The following HDAC9 variants were observed in gnomAD, a reference collection of about 807,000 sequenced individuals.
HDAC9 encodes the protein MEF-2 interacting transcription repressor (MITR) protein.
In HDAC9, 41 loss-of-function variants were observed where a neutral mutation model predicts 139.4. The observed-to-expected ratio is 0.29, with a 90% confidence interval of 0.23 to 0.38. HDAC9 has a LOEUF of 0.38. Among genes scored for constraint, HDAC9 ranks in the 10% least tolerant of loss-of-function variants. The pLI, the probability that HDAC9 is intolerant of heterozygous loss-of-function variation, is 1.00. For missense variants in HDAC9, 1,147 were observed against 1,297.0 expected (o/e 0.88, Z 1.78); for synonymous variants, 517 against 476.2 (o/e 1.09, Z -1.12).
At chr7:18,338,454 A>G (rs1781749079) in intron 1 of HDAC9, among the ~76,000 whole-genome samples, 1 of 151,634 alleles carries the variant, frequency 6.6e-6, no homozygotes, top group Non-Finnish European at 1.5e-5. Context: ...ATTTGGCAGT[A>G]TTACTGAGTG....
intron 24 of HDAC9, among the ~76,000 whole-genome samples, chr7:18,969,817 A>C (rs1784133205): frequency 6.6e-6 from 1 of 152,220 alleles, no homozygotes; most frequent in Non-Finnish European, 1.5e-5. Context: ...TTGAAGAGTC[A>C]AAAACAACGA....
chr7:18,973,928 G>C (rs1345945897), intron 24 of HDAC9, among the ~76,000 whole-genome samples: 1 of 152,104 alleles, frequency 6.6e-6, no homozygotes, highest in Admixed American at 6.6e-5. Flanking sequence ...ACATAAGCCT[G>C]ATTCTATACC....
intron 2 of HDAC9, among the ~76,000 whole-genome samples, chr7:18,553,348 C>G (rs1009053703): frequency 6.6e-6 from 1 of 152,108 alleles, no homozygotes; most frequent in African/African-American, 2.4e-5. Context: ...GCTTTTCCCC[C>G]CTCAAGAACA....
intron 2 of HDAC9, among the ~76,000 whole-genome samples, chr7:18,223,385 C>G (rs890248854): frequency 6.6e-6 from 1 of 151,162 alleles, no homozygotes. Flanking sequence ...GTAAAAACCC[C>G]GGTCAATTTT....
In HDAC9 at chr7:18,547,857, T is replaced by TTCCTTCCTTCCTTCCTTCCCTCCC. The variant is rs1563229989; in HGVS notation, c.23-37424_23-37423insTCCTTCCTTCCTTCCTTCCCTCCC. ...CTTCCTTCCTTCCTTCCTTCCTTCC[T>TTCCTTCCTTCCTTCCTTCCCTCCC]ACCCTCCCTCCCTCCCTCCCTCCCT... On this transcript the variant is annotated intron_variant, in intron 2 of 25. Coordinates refer to ENST00000686413, the MANE Select transcript of HDAC9 (RefSeq NM_178425.4). Among the ~76,000 whole-genome samples the TTCCTTCCTTCCTTCCTTCCCTCCC allele has an allele frequency of 2.5e-5, 3 of 118,458 alleles. 1 individual carries two copies. The highest frequency in any genetic ancestry group is 1.2e-4 in the African/African-American group (3 of 25,352). 77.7% of individuals were successfully genotyped at this position (118,458 alleles called of 152,430 possible).
intron 1 of HDAC9, among the ~76,000 whole-genome samples, chr7:18,428,679 G>A (rs1376048124): frequency 6.6e-6 from 1 of 152,210 alleles, no homozygotes; most frequent in Admixed American, 6.5e-5. Context: ...CCTAAACCCA[G>A]CAGCCCCAGT....
intron 2 of HDAC9, among the ~76,000 whole-genome samples, chr7:18,501,858 A>AG: frequency 6.6e-6 from 1 of 152,190 alleles, no homozygotes; most frequent in East Asian, 1.9e-4. Flanking sequence ...TGTAAGTAGT[A>AG]GGTATATTAG....
intron 12 of HDAC9, among the ~76,000 whole-genome samples, chr7:18,716,287 A>AT (rs1268025964): frequency 6.6e-6 from 1 of 152,140 alleles, no homozygotes; most frequent in Non-Finnish European, 1.5e-5. Flanking sequence ...TCTCTTGAAC[A>AT]TTTTTTTCTA....
At chr7:18,735,532 A>G (rs1786801357) in intron 13 of HDAC9, among the ~76,000 whole-genome samples, 1 of 152,194 alleles carries the variant, frequency 6.6e-6, no homozygotes, top group African/African-American at 2.4e-5. Context: ...TTTGTCAAAG[A>G]TCAGATGTTT....
intron 1 of HDAC9, among the ~76,000 whole-genome samples, chr7:18,446,934 A>T (rs1792351722): frequency 6.6e-6 from 1 of 152,210 alleles, no homozygotes; most frequent in Non-Finnish European, 1.5e-5. Context: ...CACTACTATG[A>T]AAAAAAGATT....
intron 2 of HDAC9, among the ~76,000 whole-genome samples, chr7:18,508,532 A>G (rs938354881): frequency 5.3e-5 from 8 of 152,088 alleles, no homozygotes; most frequent in African/African-American, 1.9e-4. Context: ...TATTCATATT[A>G]TTAACTTGAA....
chr7:18,360,457 C>G (rs1241056528), intron 1 of HDAC9, among the ~76,000 whole-genome samples: 1 of 152,108 alleles, frequency 6.6e-6, no homozygotes, highest in African/African-American at 2.4e-5. Flanking sequence ...AATCTTTTCC[C>G]CTACACTTTC....
chr7:18,567,989 G>C (rs1490003758), intron 2 of HDAC9, among the ~76,000 whole-genome samples: 1 of 137,152 alleles, frequency 7.3e-6, no homozygotes, highest in Non-Finnish European at 1.5e-5. Flanking sequence ...AATATACTGG[G>C]GCCTTGTTAG....
At chr7:18,099,813 A>G (rs532700882) in intron 1 of HDAC9, among the ~76,000 whole-genome samples, 4 of 152,326 alleles carry the variant, frequency 2.6e-5, no homozygotes, top group East Asian at 3.9e-4. Flanking sequence ...TTTTTCTTAC[A>G]TATGTTATAA....
chr7:18,394,228 G>A (rs1024851451), intron 1 of HDAC9, among the ~76,000 whole-genome samples: 2 of 152,094 alleles, frequency 1.3e-5, no homozygotes, highest in African/African-American at 4.8e-5. Flanking sequence ...ACACTCAAAG[G>A]TTGGGGCTGT....
At chr7:18,389,440 C>G (rs1395501386) in intron 1 of HDAC9, among the ~76,000 whole-genome samples, 2 of 152,164 alleles carry the variant, frequency 1.3e-5, no homozygotes, top group Non-Finnish European at 2.9e-5. Context: ...CAGTGTTGCT[C>G]AGGATGTCTG....
intron 2 of HDAC9, among the ~76,000 whole-genome samples, chr7:18,281,091 G>C (rs925069124): frequency 2.0e-5 from 3 of 152,156 alleles, no homozygotes; most frequent in African/African-American, 7.2e-5. Context: ...GGAAGACTTA[G>C]TGTAAGATGA....
chr7:18,232,631 C>T (rs1000033275), intron 2 of HDAC9, among the ~76,000 whole-genome samples: 3 of 152,188 alleles, frequency 2.0e-5, no homozygotes, highest in Admixed American at 2.0e-4. Context: ...CTCTATTGCT[C>T]ATGATATTTG....
intron 2 of HDAC9, among the ~76,000 whole-genome samples, chr7:18,186,101 A>T (rs1789891973): frequency 6.6e-6 from 1 of 152,242 alleles, no homozygotes; most frequent in African/African-American, 2.4e-5. Flanking sequence ...GAAGATGGAA[A>T]ACCAAGCCTT....
Sources: allele counts gnomAD v4.1 joint callset (sites outside exome capture counted in the v4.1 genomes callset), GRCh38; gene constraint gnomAD v4.1.1; transcripts MANE v1.5; gene names NCBI Gene and HGNC (gene_info 2026-07-23, HGNC 2026-07-21).